The following NDUFS1 variants were observed in gnomAD, a reference collection of about 807,000 sequenced individuals.
NDUFS1 encodes NADH:ubiquinone oxidoreductase core subunit S1.
In NDUFS1, 61 loss-of-function variants were observed where a neutral mutation model predicts 84.4. That is an observed-to-expected ratio of 0.72 (90% CI 0.59 to 0.89). The LOEUF (loss-of-function observed/expected upper bound fraction) is 0.89. NDUFS1 is among the 40% of genes least tolerant of loss of function. NDUFS1 has a pLI of 0.00. For missense variants in NDUFS1, 891 were observed against 890.0 expected (o/e 1.00, Z -0.01); for synonymous variants, 275 against 290.0 (o/e 0.95, Z 0.53).
At chr2:206,148,903 C>T (rs1025178042) in intron 5 of NDUFS1, 117 bp downstream of exon 5, 1 of 763,138 alleles carries the variant, frequency 1.3e-6, no homozygotes. Flanking sequence ...AGAAGCTGAG[C>T]ACACCAACTT....
At chr2:206,157,396 G>T (rs1242181168) in intron 1 of NDUFS1, among the ~76,000 whole-genome samples, 6 of 152,116 alleles carry the variant, frequency 3.9e-5, no homozygotes, top group Non-Finnish European at 5.9e-5. Context: ...TTGAGGACAA[G>T]GAATTTGGAC....
rs756876442 is a variant in NDUFS1 at position 206,124,153 on chromosome 2, T to G, written c.*32A>C. On this transcript the variant is annotated 3_prime_UTR_variant, in exon 19 of 19. Coordinates refer to ENST00000233190, the MANE Select transcript of NDUFS1 (RefSeq NM_005006.7). The stretch of plus-strand genomic sequence containing the variant: ...CTGCACTACAGTTGTCCATTAATTA[T>G]CTGCGGCAAAACTGGGATCCTAGTA... 5 of 1,402,274 alleles carry G rather than the reference T, an allele frequency of 3.6e-6. No individual in the cohort carries two copies. In the South Asian group the frequency reaches 5.8e-5, roughly 16 times the overall value. 86.9% of individuals were successfully genotyped at this position (1,402,274 alleles called of 1,614,324 possible).
chr2:206,155,179 C>T (rs1021597777), intron 1 of NDUFS1, among the ~76,000 whole-genome samples: 3 of 151,926 alleles, frequency 2.0e-5, no homozygotes, highest in Non-Finnish European at 4.4e-5. Context: ...AGTGCTGTGG[C>T]GCGATCTCAG....
chr2:206,127,292 G>C (rs1342742622), intron 16 of NDUFS1, among the ~76,000 whole-genome samples: 3 of 152,100 alleles, frequency 2.0e-5, no homozygotes, highest in Non-Finnish European at 4.4e-5. Context: ...CCAGCACTTC[G>C]GGAGACCGAG....
At chr2:206,159,210 G>T in intron 1 of NDUFS1, 131 bp downstream of exon 1, 1 of 1,475,056 alleles carries the variant, frequency 6.8e-7, no homozygotes, top group South Asian at 1.2e-5. Flanking sequence ...CTTCCGAGGC[G>T]GCGGGGCGGG....
chr2:206,124,357 T>G (rs1296296796), intron 18 of NDUFS1, 81 bp from the exon 19 acceptor site: 1 of 1,065,240 alleles, frequency 9.4e-7, no homozygotes, highest in Non-Finnish European at 1.5e-6. Context: ...GTGCACATAT[T>G]CAGGAGGAAA....
At chr2:206,125,455 T>C (rs1691253570) in intron 18 of NDUFS1, among the ~76,000 whole-genome samples, 2 of 151,336 alleles carry the variant, frequency 1.3e-5, no homozygotes, top group Non-Finnish European at 2.9e-5. Flanking sequence ...GAGTAAAATC[T>C]CATCTCAAAA....
At chr2:206,143,952 C>T in intron 10 of NDUFS1, 66 bp downstream of exon 10, 1 of 1,232,456 alleles carries the variant, frequency 8.1e-7, no homozygotes, top group Non-Finnish European at 1.1e-6. Context: ...ACATCCCCCC[C>T]TTCATGGCAA....
chr2:206,119,963 A>G lies in NDUFS1; in HGVS notation c.*4222T>C, dbSNP rs1240015676. 2 of 152,114 alleles carry G rather than the reference A, an allele frequency of 1.3e-5. No homozygotes were observed. The highest frequency in any genetic ancestry group is 3.9e-4 in the East Asian group (2 of 5,184). 9.4% of individuals were successfully genotyped at this position (152,114 alleles called of 1,614,324 possible). Reference sequence around the variant, plus strand: ...TATAGAATCATGGGGCAAATCCTTCATGAATGGCTTGGCACCATCACCTTG... The same window carrying G: ...TATAGAATCATGGGGCAAATCCTTCGTGAATGGCTTGGCACCATCACCTTG... On this transcript the variant is annotated 3_prime_UTR_variant, in exon 19 of 19. Coordinates refer to ENST00000233190, the MANE Select transcript of NDUFS1 (RefSeq NM_005006.7).
At chr2:206,155,079 A>C (rs1188145546) in intron 1 of NDUFS1, among the ~76,000 whole-genome samples, 1 of 151,736 alleles carries the variant, frequency 6.6e-6, no homozygotes. Flanking sequence ...ACAGGCATGC[A>C]CAACCATGCC....
intron 1 of NDUFS1, among the ~76,000 whole-genome samples, chr2:206,155,845 C>T (rs1369678197): frequency 2.6e-5 from 4 of 151,654 alleles, no homozygotes; most frequent in South Asian, 2.1e-4. Context: ...TGAGCCACCA[C>T]GCCCGGCCAA....
intron 1 of NDUFS1, among the ~76,000 whole-genome samples, chr2:206,158,524 A>T (rs1687768870): frequency 6.6e-6 from 1 of 152,238 alleles, no homozygotes; most frequent in African/African-American, 2.4e-5. Flanking sequence ...AGTGAACTGA[A>T]TCTCTAATTT....
At chr2:206,147,490 C>A (rs765768968) in intron 7 of NDUFS1, 41 bp downstream of exon 7, 4 of 1,561,884 alleles carry the variant, frequency 2.6e-6, no homozygotes, top group Admixed American at 3.5e-5. Flanking sequence ...ATTAAGTATA[C>A]AATTATATTC....
chr2:206,152,876 G>A (rs771136600), intron 2 of NDUFS1, among the ~76,000 whole-genome samples: 2 of 151,598 alleles, frequency 1.3e-5, no homozygotes, highest in East Asian at 1.9e-4. Flanking sequence ...GCTAATTTTT[G>A]TATTTTTAGT....
At chr2:206,130,301 A>C in intron 14 of NDUFS1, 59 bp from the exon 15 acceptor site, 2 of 1,585,608 alleles carry the variant, frequency 1.3e-6, no homozygotes, top group Non-Finnish European at 1.7e-6. Context: ...AAAAAATTAA[A>C]TGTGATTTTT....
At chr2:206,127,716 G>A in intron 16 of NDUFS1, 81 bp downstream of exon 16, 1 of 1,450,488 alleles carries the variant, frequency 6.9e-7, no homozygotes, top group Non-Finnish European at 9.7e-7. Context: ...CATCTTCCTT[G>A]ACTTTGAAAA....
chr2:206,128,227 G>A (rs1691369575), intron 15 of NDUFS1, among the ~76,000 whole-genome samples: 1 of 151,940 alleles, frequency 6.6e-6, no homozygotes, highest in Non-Finnish European at 1.5e-5. Flanking sequence ...GTGCAGTGGT[G>A]CAATCTTGGC....
Position 206,122,453 on chromosome 2 carries a change from AC to A in NDUFS1, c.*1731del, listed in dbSNP as rs1691124024. ...AGACCAGCCTGGCCAAATTGGTGAAACCCTGTCTCTACTAAAAATACAAAAA... is the reference window on the plus strand; with the variant it reads ...AGACCAGCCTGGCCAAATTGGTGAAACCTGTCTCTACTAAAAATACAAAAA... On this transcript the variant is annotated 3_prime_UTR_variant, in exon 19 of 19. Coordinates refer to ENST00000233190, the MANE Select transcript of NDUFS1 (RefSeq NM_005006.7). The A allele has an allele frequency of 6.6e-6, 1 of 151,730 alleles. No individual in the cohort carries two copies. Among genetic ancestry groups the A allele is most frequent in the Non-Finnish European group, 1.5e-5 (1 of 67,942 alleles). The allele number at this position is 151,730 out of a possible 1,614,324, so 9.4% of individuals were successfully genotyped here.
intron 12 of NDUFS1, 139 bp downstream of exon 12, chr2:206,141,798 CAAAA>C (rs200961205): frequency 7.1e-4 from 363 of 513,964 alleles, no homozygotes; most frequent in South Asian, 8.8e-4. Flanking sequence ...TCCGTCCCAC[CAAAA>C]AAAAAAAAAA....
Sources: allele counts gnomAD v4.1 joint callset (sites outside exome capture counted in the v4.1 genomes callset), GRCh38; gene constraint gnomAD v4.1.1; transcripts MANE v1.5; gene names NCBI Gene and HGNC (gene_info 2026-07-23, HGNC 2026-07-21).